Variants in ZFYVE16 observed in about 807,000 individuals in gnomAD.
ZFYVE16 encodes the protein zinc finger FYVE domain-containing protein 16.
In ZFYVE16, 89 loss-of-function variants were observed where a neutral mutation model predicts 138.1. That is an observed-to-expected ratio of 0.64 (90% CI 0.54 to 0.77). ZFYVE16 has a LOEUF of 0.77. ZFYVE16 is among the 30% of genes least tolerant of loss of function. The pLI is 0.00. For missense variants in ZFYVE16, 1,793 were observed against 1,786.7 expected (o/e 1.00, Z -0.06); for synonymous variants, 596 against 618.3 (o/e 0.96, Z 0.53).
In ZFYVE16 at chr5:80,448,148, A is replaced by C. The variant is rs1208338314; in HGVS notation, c.2847A>C (p.Lys949Asn). ...SPISQVPSVE[K>N]LSMNTGNEGL... ...TTTCTCAGGTTCCATCAGTGGAAAAATTGTCTATGAACACAGGAAATGAGG... is the reference window on the plus strand; with the variant it reads ...TTTCTCAGGTTCCATCAGTGGAAAACTTGTCTATGAACACAGGAAATGAGG... Residue 949 changes from lysine (K) to asparagine (N), a missense_variant, in exon 8 of 19, where the codon AAA becomes AAC. Around this residue, in one of 2 missense-constraint regions of ZFYVE16, gnomAD observed 1,295 missense variants for 1,204.3 expected, o/e 1.08. Transcript: ENST00000505560. 6.2e-7 allele frequency: 1 copy of C among 1,614,012 alleles called. No individual in the cohort carries two copies. The highest frequency in any genetic ancestry group is 8.5e-7 in the Non-Finnish European group (1 of 1,179,950).
intron 1 of ZFYVE16, among the ~76,000 whole-genome samples, chr5:80,408,524 G>T (rs1489994791): frequency 6.6e-6 from 1 of 152,242 alleles, no homozygotes; most frequent in East Asian, 1.9e-4. Context: ...CTGGGGAGGG[G>T]CTGCGACTGC....
intron 15 of ZFYVE16, among the ~76,000 whole-genome samples, chr5:80,462,789 T>A (rs1753273391): frequency 6.6e-6 from 1 of 152,188 alleles, no homozygotes; most frequent in South Asian, 2.1e-4. Flanking sequence ...ACATTTGGGG[T>A]ACAGGCGTTG....
chr5:80,464,065 T>A (rs542464259), intron 15 of ZFYVE16, among the ~76,000 whole-genome samples: 4 of 152,302 alleles, frequency 2.6e-5, no homozygotes, highest in East Asian at 3.9e-4. Context: ...TCCTCTCTTC[T>A]TCTGAGCCCT....
At chr5:80,440,839 G>C (rs1750632747) in intron 5 of ZFYVE16, 1 of 985,066 alleles carries the variant, frequency 1.0e-6, no homozygotes, top group Non-Finnish European at 1.2e-6. Context: ...CTCAGGCACT[G>C]CTTCCTGTTA....
intron 1 of ZFYVE16, among the ~76,000 whole-genome samples, chr5:80,426,272 G>GTGTGTATA (rs1370196862): frequency 5.0e-3 from 132 of 26,422 alleles, no homozygotes; most frequent in African/African-American, 7.5e-3. Context: ...GTGTGTGTGT[G>GTGTGTATA]TATATATATA....
intron 2 of ZFYVE16, among the ~76,000 whole-genome samples, chr5:80,431,165 T>A (rs1379459327): frequency 6.6e-6 from 1 of 152,178 alleles, no homozygotes; most frequent in Non-Finnish European, 1.5e-5. Context: ...ATATCCCTGA[T>A]GAACATTGCT....
chr5:80,461,350 C>T (rs1753089116), intron 15 of ZFYVE16, among the ~76,000 whole-genome samples: 2 of 152,200 alleles, frequency 1.3e-5, no homozygotes, highest in Admixed American at 1.3e-4. Context: ...ACATTACCCC[C>T]ATTGTCTCAC....
chr5:80,459,384 A>G, intron 14 of ZFYVE16, 30 bp from the exon 15 acceptor site: 2 of 1,600,930 alleles, frequency 1.2e-6, no homozygotes, highest in South Asian at 1.1e-5. Context: ...GAGCAGTTTA[A>G]AACAAATAAT....
In ZFYVE16 at chr5:80,481,652, G is replaced by A. The variant is rs1258986190; in HGVS notation, c.*4275G>A. Among the ~76,000 whole-genome samples the A allele has an allele frequency of 6.6e-6, 1 of 152,090 alleles. No individual in the cohort carries two copies. The highest frequency in any genetic ancestry group is 6.5e-5 in the Admixed American group (1 of 15,280). ...AAACATTCTTATGAAGATTTAAACA[G>A]GATAGAGAATATCATAATATTCCAA... is the stretch of plus-strand genomic sequence containing the variant. On this transcript the variant is annotated 3_prime_UTR_variant, in exon 19 of 19. Transcript: ENST00000505560.
intron 15 of ZFYVE16, among the ~76,000 whole-genome samples, chr5:80,468,513 A>G (rs1753959646): frequency 1.3e-5 from 2 of 152,316 alleles, no homozygotes; most frequent in South Asian, 4.1e-4. Context: ...AAGTATATCT[A>G]AACACAGAAA....
At chr5:80,471,123 G>A (rs566330261) in intron 15 of ZFYVE16, among the ~76,000 whole-genome samples, 7 of 152,138 alleles carry the variant, frequency 4.6e-5, no homozygotes, top group East Asian at 3.9e-4. Context: ...GCCTATAAAC[G>A]GATGCATGGG....
chr5:80,416,353 T>G (rs1321822399), intron 1 of ZFYVE16, among the ~76,000 whole-genome samples: 1 of 146,914 alleles, frequency 6.8e-6, no homozygotes, highest in African/African-American at 2.5e-5. Context: ...CCTCCTGGGT[T>G]CAAGCGATTC....
intron 15 of ZFYVE16, among the ~76,000 whole-genome samples, chr5:80,471,507 A>G (rs951423061): frequency 2.0e-5 from 3 of 152,176 alleles, no homozygotes; most frequent in Admixed American, 2.0e-4. Context: ...AAATGACCCT[A>G]AATCCCTCAC....
chr5:80,472,836 A>G lies in ZFYVE16; in HGVS notation c.4100A>G (p.Lys1367Arg), dbSNP rs1754520176. Reference protein sequence around the residue: ...RLALREQKDFKITCGKVDAVD... With the variant: ...RLALREQKDFRITCGKVDAVD... ...GCTTTACGAGAACAGAAAGACTTTA[A>G]AATTACATGTGGGAAAGTTGATGCA... Residue 1367 changes from lysine to arginine, a missense_variant, in exon 16 of 19, where the codon AAA becomes AGA. Physicochemically the swap from Lys to Arg is conservative, Grantham distance 26. This residue lies in a region of ZFYVE16 where 498 missense variants were observed against 582.4 expected (regional missense o/e 0.86). Coordinates refer to ENST00000505560, the MANE Select transcript of ZFYVE16 (RefSeq NM_001284236.3). 6.2e-7 allele frequency: 1 copy of G among 1,613,946 alleles called. No homozygotes were observed.
In ZFYVE16 at chr5:80,456,532, C is replaced by G; in HGVS notation, c.3762C>G (p.Ser1254Arg). ...TGATTCATATGGAAATGGGAAAAAG[C>G]TGCATAAAAATACCACGGAAAAAGT... ...QLLIHMEMGK[S>R]CIKIPRKKYS... The change falls in exon 13 of 19, where the codon AGC becomes AGG. Residue 1254 changes from serine to arginine, a missense_variant. Coordinates refer to ENST00000505560, the MANE Select transcript of ZFYVE16 (RefSeq NM_001284236.3). 4 of 1,612,828 alleles carry G rather than the reference C, an allele frequency of 2.5e-6. No homozygotes were observed. The highest frequency in any genetic ancestry group is 3.4e-6 in the Non-Finnish European group (4 of 1,179,366).
rs1752424205 is a variant in ZFYVE16, at chr5:80,455,442, G to A, written c.3608-250G>A. 47 of 389,738 alleles carry A rather than the reference G, an allele frequency of 1.2e-4. 1 individual carries two copies. The South Asian group carries it at 1.3e-3, about 11-fold the overall frequency. The allele number at this position is 389,738 out of a possible 1,614,324, so 24.1% of individuals were successfully genotyped here. ...CCAGCTACTTGGGAGGCTGAGGCAGGAGAATTACTTGAACCCAGGAAGTGG... is the reference window on the plus strand; with the variant it reads ...CCAGCTACTTGGGAGGCTGAGGCAGAAGAATTACTTGAACCCAGGAAGTGG... On this transcript the variant is annotated intron_variant, in intron 11 of 18. Transcript: ENST00000505560.
rs1750025386 is a variant in ZFYVE16, at chr5:80,437,057, A to G, written c.372A>G (p.Lys124=). Residue 124 remains lysine, a synonymous_variant, in exon 4 of 19, where the codon AAA becomes AAG. Transcript: ENST00000505560. ...CGTTATATATGGGACGATGTAGTAA[A>G]CCTATCTGTGATCTGATAAGTGACA... is the stretch of plus-strand genomic sequence containing the variant. ...IQPLYMGRCS[K]PICDLISDMG... 2 of 1,614,180 alleles carry G rather than the reference A, an allele frequency of 1.2e-6. No individual in the cohort carries two copies. The highest frequency in any genetic ancestry group is 4.5e-5 in the East Asian group (2 of 44,872).
intron 1 of ZFYVE16, among the ~76,000 whole-genome samples, chr5:80,409,494 G>A (rs1745111970): frequency 6.6e-6 from 1 of 152,158 alleles, no homozygotes; most frequent in Non-Finnish European, 1.5e-5. Context: ...AATTGAAAAT[G>A]TTTTATTCAT....
rs146824505 is a variant in ZFYVE16, at chr5:80,472,777, A to G, written c.4041A>G (p.Gln1347=). The G allele has an allele frequency of 1.8e-5, 29 of 1,613,536 alleles. No individual in the cohort carries two copies. The African/African-American group carries it at 3.3e-4, about 19-fold the overall frequency. Residue 1347 remains glutamine (Q), a synonymous_variant, in exon 16 of 19, where the codon CAA becomes CAG. Coordinates refer to ENST00000505560, the MANE Select transcript of ZFYVE16 (RefSeq NM_001284236.3). ...CATTTCTAGATGGCTTAATGGTACA[A>G]ATAACTCCAGAGACCATGAATGGCT... ...SSIVEDGLMV[Q]ITPETMNGLR...
Sources: allele counts gnomAD v4.1 joint callset (sites outside exome capture counted in the v4.1 genomes callset), GRCh38; gene constraint gnomAD v4.1.1; regional missense constraint gnomAD v4.1.1; transcripts MANE v1.5; gene names NCBI Gene and HGNC (gene_info 2026-07-23, HGNC 2026-07-21).